Variants in KIAA1217 observed in about 807,000 individuals in gnomAD.
KIAA1217 encodes sickle tail protein homolog.
A neutral mutation model predicts 163.9 loss-of-function variants in KIAA1217; 88 were observed. The observed-to-expected ratio is 0.54, with a 90% CI of 0.45 to 0.64. The LOEUF is 0.64. Among genes scored for constraint, KIAA1217 ranks in the 30% least tolerant of loss-of-function variants. The probability of loss-of-function intolerance (pLI) is 0.00; values close to 1 mark genes in which losing one functional copy is unlikely to be tolerated. For synonymous variants in KIAA1217, 903 were observed against 923.1 expected, an observed-to-expected ratio of 0.98 and a Z score of 0.39; for missense variants, 2,372 against 2,475.0, an observed-to-expected ratio of 0.96 and a Z score of 0.88.
chr10:24,179,867 C>T (rs2066086110), intron 2 of KIAA1217, among the ~76,000 whole-genome samples: 1 of 152,182 alleles, frequency 6.6e-6, no homozygotes, highest in Non-Finnish European at 1.5e-5. Context: ...GGATTGCAGG[C>T]ATGAGCCACC....
rs778207675 is a variant in KIAA1217, at chr10:24,219,678, C to T, written c.123C>T (p.Arg41=). 16 of 1,613,404 alleles carry T rather than the reference C, an allele frequency of 9.9e-6. No homozygotes were observed. The highest frequency in any genetic ancestry group is 1.4e-5 in the Non-Finnish European group (16 of 1,179,712). ...CATCACCAGAAGATGCAGAATGCCGCAGAACCAAGGAACGCCTTTCTAATG... is the reference window on the plus strand; with the variant it reads ...CATCACCAGAAGATGCAGAATGCCGTAGAACCAAGGAACGCCTTTCTAATG... The part of the protein sequence containing the change: ...HVTSPEDAEC[R]RTKERLSNGN... The change falls in exon 2 of 21, where the codon CGC becomes CGT. Residue 41 remains arginine, a synonymous_variant. Coordinates refer to ENST00000376454, the MANE Select transcript of KIAA1217 (RefSeq NM_019590.5).
At chr10:23,967,155 A>T (rs1845097763) in intron 1 of KIAA1217, among the ~76,000 whole-genome samples, 1 of 152,148 alleles carries the variant, frequency 6.6e-6, no homozygotes, top group African/African-American at 2.4e-5. Flanking sequence ...TTAGAAAATG[A>T]TAATCATAAA....
intron 2 of KIAA1217, among the ~76,000 whole-genome samples, chr10:24,364,281 C>A (rs1334695729): frequency 6.6e-6 from 1 of 152,076 alleles, no homozygotes; most frequent in Non-Finnish European, 1.5e-5. Context: ...ACCCAGCCAC[C>A]CGCTCTTATT....
Position 24,279,179 on chromosome 10 carries a change from A to T in KIAA1217, c.354+59270A>T, listed in dbSNP as rs2077626975. On this transcript the variant is annotated intron_variant, in intron 2 of 20. Transcript: ENST00000376454. ...CTCAAATTAATGGGGATGATTGAGG[A>T]TGAAACAGTGCAGGGATTCCCCATT... Among the ~76,000 whole-genome samples, 5 of 151,930 alleles carry T rather than the reference A, an allele frequency of 3.3e-5. No individual in the cohort carries two copies. In the South Asian group the frequency reaches 1.0e-3, roughly 31 times the overall value.
intron 2 of KIAA1217, chr10:24,158,705 A>G (rs1165939376): frequency 3.9e-6 from 2 of 507,936 alleles, no homozygotes; most frequent in Non-Finnish European, 7.9e-6. Context: ...GCTACAGCAT[A>G]CAAAGATTCT....
intron 1 of KIAA1217, among the ~76,000 whole-genome samples, chr10:23,983,605 G>A (rs1043693561): frequency 2.6e-5 from 4 of 152,048 alleles, no homozygotes; most frequent in Non-Finnish European, 4.4e-5. Context: ...TGAGAACTCC[G>A]CCCCCACAAC....
Position 24,544,081 on chromosome 10 carries a change from T to C in KIAA1217, c.4811T>C (p.Val1604Ala), listed in dbSNP as rs529431188. The change falls in exon 19 of 21, where the codon GTC (valine) becomes GCC (alanine). Residue 1604 changes from valine (V) to alanine (A), a missense_variant. Physicochemically the swap from Val to Ala is moderately conservative, Grantham distance 64. Transcript: ENST00000376454. The part of the protein sequence containing the change: ...KTGKKTLQVV[V>A]YEEEEEDGTL... ...GGGAAGAAGACTTTGCAAGTGGTAG[T>C]CTATGAAGAAGAGGAAGAGGATGGC... The C allele has an allele frequency of 1.5e-5, 24 of 1,614,018 alleles. No individual in the cohort carries two copies. The East Asian group carries it at 4.5e-4, about 30-fold the overall frequency.
chr10:23,891,940 A>G, intron 1 of KIAA1217, among the ~76,000 whole-genome samples: 1 of 151,906 alleles, frequency 6.6e-6, no homozygotes, highest in Admixed American at 6.6e-5. Context: ...TATTTTTTCA[A>G]CTTATAAATC....
chr10:24,288,769 C>T (rs745488017), intron 2 of KIAA1217, among the ~76,000 whole-genome samples: 5 of 152,098 alleles, frequency 3.3e-5, no homozygotes, highest in Non-Finnish European at 7.4e-5. Context: ...ATGAGCACAG[C>T]GTGTGTAGGG....
At chr10:24,329,221 A>G (rs2045347583) in intron 2 of KIAA1217, among the ~76,000 whole-genome samples, 1 of 146,938 alleles carries the variant, frequency 6.8e-6, no homozygotes, top group Non-Finnish European at 1.5e-5. Context: ...TAGTATATAA[A>G]TAGTATAAAT....
At chr10:24,118,708 T>A (rs1402396770) in intron 2 of KIAA1217, among the ~76,000 whole-genome samples, 2 of 146,732 alleles carry the variant, frequency 1.4e-5, no homozygotes, top group Non-Finnish European at 3.0e-5. Flanking sequence ...TGGATTTGCT[T>A]TTTTTTTTTT....
At chr10:23,809,602 A>G (rs1396083916) in intron 1 of KIAA1217, among the ~76,000 whole-genome samples, 1 of 152,032 alleles carries the variant, frequency 6.6e-6, no homozygotes, top group Admixed American at 6.6e-5. Context: ...TGCTTTAAAC[A>G]TACCTTGTAA....
intron 2 of KIAA1217, among the ~76,000 whole-genome samples, chr10:24,293,116 G>GAT (rs2079265393): frequency 1.3e-5 from 2 of 152,146 alleles, no homozygotes; most frequent in East Asian, 3.9e-4. Flanking sequence ...AATCTTGGCT[G>GAT]GCTGCAACCT....
chr10:24,274,015 AT>A (rs2077028370), intron 2 of KIAA1217, among the ~76,000 whole-genome samples: 1 of 152,182 alleles, frequency 6.6e-6, no homozygotes, highest in African/African-American at 2.4e-5. Context: ...AATTAGACGC[AT>A]ACCTCAACCA....
At chr10:23,814,546 A>G (rs954264016) in intron 1 of KIAA1217, among the ~76,000 whole-genome samples, 6 of 152,342 alleles carry the variant, frequency 3.9e-5, no homozygotes, top group East Asian at 3.9e-4. Context: ...AGCACTCAAC[A>G]TAAGTATTAA....
intron 2 of KIAA1217, among the ~76,000 whole-genome samples, chr10:24,090,399 C>G (rs1192661705): frequency 8.0e-6 from 1 of 125,680 alleles, no homozygotes. Context: ...AGGCTGGTCT[C>G]AAACTCCCGG....
chr10:24,365,111 A>G (rs967047732), intron 2 of KIAA1217, among the ~76,000 whole-genome samples: 1 of 151,884 alleles, frequency 6.6e-6, no homozygotes, highest in African/African-American at 2.4e-5. Flanking sequence ...ATCCTCCCCT[A>G]CTTTCTTGAC....
At chr10:24,107,625 C>T (rs1261301975) in intron 2 of KIAA1217, among the ~76,000 whole-genome samples, 1 of 152,154 alleles carries the variant, frequency 6.6e-6, no homozygotes, top group Non-Finnish European at 1.5e-5. Flanking sequence ...TTGCATTTCT[C>T]TAATGATTAG....
chr10:24,001,815 T>G (rs1300294150), intron 1 of KIAA1217, among the ~76,000 whole-genome samples: 2 of 152,186 alleles, frequency 1.3e-5, no homozygotes, highest in Non-Finnish European at 2.9e-5. Context: ...TAGCCACTAC[T>G]TCATGCCATA....
Sources: allele counts gnomAD v4.1 joint callset (sites outside exome capture counted in the v4.1 genomes callset), GRCh38; gene constraint gnomAD v4.1.1; transcripts MANE v1.5; gene names NCBI Gene and HGNC (gene_info 2026-07-23, HGNC 2026-07-21).